TTYH2: variants seen among roughly 807,000 people sequenced by gnomAD.
TTYH2 encodes the protein tweety family member 2, also known as protein tweety homolog 2.
TTYH2 carries 49 observed loss-of-function variants against 68.3 expected under a neutral mutation model. The observed-to-expected ratio is 0.72, with a 90% CI of 0.57 to 0.91. TTYH2 has a LOEUF of 0.91. Among genes scored for constraint, TTYH2 ranks in the 40% least tolerant of loss-of-function variants. The pLI, the probability that TTYH2 is intolerant of heterozygous loss-of-function variation, is 0.00. For missense variants in TTYH2, 631 were observed against 700.4 expected, an observed-to-expected ratio of 0.90 and a Z score of 1.12; for synonymous variants, 272 against 300.8, an observed-to-expected ratio of 0.90 and a Z score of 0.99.
At position 74,239,503 on chromosome 17, in the gene TTYH2, T is replaced by C. The variant is rs1410811242; in HGVS notation, c.635+1989T>C. Among the ~76,000 whole-genome samples the C allele has an allele frequency of 6.6e-6, 1 of 152,212 alleles. No homozygotes were observed. The highest frequency in any genetic ancestry group is 2.4e-5 in the African/African-American group (1 of 41,442). On this transcript the variant is annotated intron_variant, in intron 4 of 13. Transcript: ENST00000269346. The surrounding 1 kb of genome is among the most constrained non-coding windows in gnomAD (Gnocchi z 5.3). ...TGTTTTCTGGATTTGTGTCCCCTTG[T>C]GTCATAAAGCCCCACTCCAGGAGGT...
At chr17:74,224,163 A>T (rs942318811) in intron 2 of TTYH2, among the ~76,000 whole-genome samples, 1 of 152,164 alleles carries the variant, frequency 6.6e-6, no homozygotes, top group Non-Finnish European at 1.5e-5. Flanking sequence ...TAATCCCAGC[A>T]CTTTGGGAGG....
intron 13 of TTYH2, among the ~76,000 whole-genome samples, chr17:74,259,301 T>C (rs2050723983): frequency 1.3e-5 from 2 of 152,076 alleles, no homozygotes; most frequent in African/African-American, 4.8e-5. Flanking sequence ...CCTCCACCTC[T>C]TGGGCTCAAG....
At chr17:74,246,513 G>A (rs981479365) in intron 6 of TTYH2, among the ~76,000 whole-genome samples, 3 of 152,026 alleles carry the variant, frequency 2.0e-5, no homozygotes, top group South Asian at 2.1e-4. Flanking sequence ...CTAGGGTCAC[G>A]GGGGTCCCTT....
chr17:74,237,915 G>A (rs904876439), intron 4 of TTYH2, among the ~76,000 whole-genome samples: 1 of 152,196 alleles, frequency 6.6e-6, no homozygotes, highest in Non-Finnish European at 1.5e-5. Context: ...TTACAGGCGT[G>A]AGCCACCATG....
chr17:74,257,565 G>A (rs1431944047), intron 13 of TTYH2, among the ~76,000 whole-genome samples: 1 of 152,206 alleles, frequency 6.6e-6, no homozygotes, highest in Non-Finnish European at 1.5e-5. Flanking sequence ...CCCTCTCTGG[G>A]ACAGTCAGGG....
At chr17:74,249,520 C>G (rs573410036) in intron 8 of TTYH2, 121 bp downstream of exon 8, 135 of 1,059,074 alleles carry the variant, frequency 1.3e-4, no homozygotes, top group Non-Finnish European at 1.8e-4. Context: ...GTGGTCCTCT[C>G]CTTAGCTGCT....
In TTYH2 at chr17:74,241,262, CGTGTGTGTGTGT is replaced by C. The variant is rs199960092; in HGVS notation, c.636-2088_636-2077del. Among the ~76,000 whole-genome samples, 9 of 144,796 alleles carry C rather than the reference CGTGTGTGTGTGT, an allele frequency of 6.2e-5. No homozygotes were observed. In the East Asian group the frequency reaches 1.2e-3, roughly 20 times the overall value. The allele number at this position is 144,796 out of a possible 152,430, so 95.0% of individuals were successfully genotyped here. ...ATAGACAGACCCGGTATTTATAATA[CGTGTGTGTGTGT>C]GTGTGTGTGTGTGTGTGTGTGTGCG... is the stretch of plus-strand genomic sequence containing the variant. On this transcript the variant is annotated intron_variant, in intron 4 of 13. Transcript: ENST00000269346. The surrounding 1 kb of genome is among the most constrained non-coding windows in gnomAD (Gnocchi z 4.1).
At chr17:74,238,056 G>A (rs543404967) in intron 4 of TTYH2, among the ~76,000 whole-genome samples, 1 of 152,290 alleles carries the variant, frequency 6.6e-6, no homozygotes, top group South Asian at 2.1e-4. Context: ...CAGAGGACAG[G>A]GATGTGCTCA....
chr17:74,231,668 C>T (rs2050391230), intron 3 of TTYH2, among the ~76,000 whole-genome samples: 1 of 151,800 alleles, frequency 6.6e-6, no homozygotes, highest in African/African-American at 2.4e-5. Flanking sequence ...CAGAATGAGA[C>T]TCCATCTCAA....
chr17:74,248,759 G>A (rs2143770290), intron 6 of TTYH2: 2 of 1,392,508 alleles, frequency 1.4e-6, no homozygotes, highest in Middle Eastern at 2.7e-4. Context: ...ACTTGCATTG[G>A]GTGAATAGCA....
chr17:74,233,022 T>C (rs1434168160), intron 3 of TTYH2, among the ~76,000 whole-genome samples: 2 of 152,144 alleles, frequency 1.3e-5, no homozygotes, highest in Admixed American at 1.3e-4. Context: ...TGAAATCCCC[T>C]GTGTTCCCAA....
intron 2 of TTYH2, among the ~76,000 whole-genome samples, chr17:74,225,432 A>G (rs1188756256): frequency 6.6e-6 from 1 of 152,134 alleles, no homozygotes; most frequent in Non-Finnish European, 1.5e-5. Flanking sequence ...GAGCCAGGGG[A>G]GCCACTGCAG....
chr17:74,258,371 T>C (rs1210115568), intron 13 of TTYH2, among the ~76,000 whole-genome samples: 1 of 150,818 alleles, frequency 6.6e-6, no homozygotes, highest in Non-Finnish European at 1.5e-5. Context: ...GACCAAGCGA[T>C]TCTCCTGCCT....
intron 2 of TTYH2, among the ~76,000 whole-genome samples, chr17:74,227,590 C>G (rs2050343068): frequency 6.6e-6 from 1 of 152,156 alleles, no homozygotes; most frequent in Non-Finnish European, 1.5e-5. Context: ...TGTGTGGATA[C>G]AGTTGCATTT....
intron 2 of TTYH2, among the ~76,000 whole-genome samples, chr17:74,224,099 A>T (rs929465119): frequency 1.3e-5 from 2 of 152,180 alleles, no homozygotes; most frequent in East Asian, 3.9e-4. Context: ...AGCTTTGAGA[A>T]GTGACTGGTG....
chr17:74,223,292 CG>C (rs61001030), intron 2 of TTYH2, among the ~76,000 whole-genome samples: 32 of 118,748 alleles, frequency 2.7e-4, no homozygotes, highest in Admixed American at 8.8e-4. Context: ...TTTTGGGGGG[CG>C]GGGGGTGGGC....
Position 74,255,681 on chromosome 17 carries a change from C to T in TTYH2, c.1524+1848C>T, listed in dbSNP as rs1335805552. On this transcript the variant is annotated intron_variant, in intron 13 of 13. Coordinates refer to ENST00000269346, the MANE Select transcript of TTYH2 (RefSeq NM_032646.6). ...TGAACTCCTGACCTCAGGTGATCCACCCATCTTGGCCTCCCAAAGTGCTGG... is the reference window on the plus strand; with the variant it reads ...TGAACTCCTGACCTCAGGTGATCCATCCATCTTGGCCTCCCAAAGTGCTGG... Among the ~76,000 whole-genome samples, 6 of 152,220 alleles carry T rather than the reference C, an allele frequency of 3.9e-5. No homozygotes were observed. The South Asian group carries it at 1.2e-3, about 32-fold the overall frequency.
rs1352197853 is a variant in TTYH2 at position 74,237,508 on chromosome 17, A to G, written c.629A>G (p.Tyr210Cys). ...KLSDQTGYVE[Y>C]YRWLSYLLLF... ...TCCGACCAGACTGGCTACGTGGAGT[A>G]CTACAGGTGAAGGACCGGTGGGAGG... Residue 210 changes from tyrosine to cysteine, a missense_variant, in exon 4 of 14, where the codon TAC becomes TGC. Physicochemically the swap from Tyr to Cys is radical, Grantham distance 194. Coordinates refer to ENST00000269346, the MANE Select transcript of TTYH2 (RefSeq NM_032646.6). 4.4e-6 allele frequency: 7 copies of G among 1,605,240 alleles called. No homozygotes were observed. Among genetic ancestry groups the G allele is most frequent in the Non-Finnish European group, 6.0e-6 (7 of 1,173,316 alleles).
intron 10 of TTYH2, 137 bp from the exon 11 acceptor site, chr17:74,252,097 T>G (rs2050636741): frequency 1.8e-6 from 2 of 1,119,634 alleles, no homozygotes; most frequent in Non-Finnish European, 2.6e-6. Flanking sequence ...TTAATGGTGC[T>G]GCAAGGCGCT....
Sources: allele counts gnomAD v4.1 joint callset (sites outside exome capture counted in the v4.1 genomes callset), GRCh38; gene constraint gnomAD v4.1.1; non-coding constraint Gnocchi (gnomAD v3.1); transcripts MANE v1.5; gene names NCBI Gene and HGNC (gene_info 2026-07-23, HGNC 2026-07-21).